The following GPR176 variants were observed in gnomAD, a reference collection of about 807,000 sequenced individuals.
GPR176 encodes G protein-coupled receptor 176, also known as G-protein coupled receptor 176.
GPR176 carries 26 observed loss-of-function variants against 35.4 expected under a neutral mutation model. The ratio of observed to expected loss-of-function variants is 0.74; its 90% CI spans 0.54 to 1.02. The LOEUF is 1.02. Among genes scored for constraint, GPR176 ranks in the 50% least tolerant of loss-of-function variants. The pLI, the probability that GPR176 is intolerant of heterozygous loss-of-function variation, is 0.00. For synonymous variants in GPR176, 278 were observed against 271.3 expected (o/e 1.02, Z -0.24); for missense variants, 597 against 665.3 (o/e 0.90, Z 1.13).
At chr15:39,909,351 C>A (rs2033515938) in intron 1 of GPR176, among the ~76,000 whole-genome samples, 1 of 152,206 alleles carries the variant, frequency 6.6e-6, no homozygotes, top group Admixed American at 6.5e-5. Context: ...TCTGCTCGAA[C>A]AGTGAAATCA....
At chr15:39,889,730 C>G (rs1025563392) in intron 1 of GPR176, among the ~76,000 whole-genome samples, 8 of 152,188 alleles carry the variant, frequency 5.3e-5, no homozygotes, top group African/African-American at 1.9e-4. Flanking sequence ...GGGACGCAAA[C>G]TCCTTGGAGG....
chr15:39,869,152 TAAAAA>T (rs66463189), intron 1 of GPR176, among the ~76,000 whole-genome samples: 4 of 130,016 alleles, frequency 3.1e-5, no homozygotes, highest in Non-Finnish European at 3.2e-5. Flanking sequence ...AACTGCTTTT[TAAAAA>T]AAAAAAAAAA....
At chr15:39,893,386 C>G (rs934788875) in intron 1 of GPR176, among the ~76,000 whole-genome samples, 1 of 151,954 alleles carries the variant, frequency 6.6e-6, no homozygotes, top group Non-Finnish European at 1.5e-5. Flanking sequence ...CCTGAGTGGA[C>G]ACAGCACATG....
intron 1 of GPR176, among the ~76,000 whole-genome samples, chr15:39,916,641 TAAA>T (rs2033732743): frequency 6.6e-6 from 1 of 152,236 alleles, no homozygotes; most frequent in Admixed American, 6.5e-5. Context: ...GAAGTATATT[TAAA>T]TTTGTTTCAA....
chr15:39,897,738 A>G (rs186541025), intron 1 of GPR176, among the ~76,000 whole-genome samples: 224 of 149,918 alleles, frequency 1.5e-3, no homozygotes, highest in Middle Eastern at 0.011. Context: ...CTCAGCCCCA[A>G]ATATTATTTT....
intron 1 of GPR176, among the ~76,000 whole-genome samples, chr15:39,918,510 T>C (rs1200574411): frequency 1.3e-5 from 2 of 152,202 alleles, no homozygotes; most frequent in African/African-American, 2.4e-5. Context: ...TCACTTCTAC[T>C]ACCTCTCCAA....
chr15:39,840,244 A>T (rs2140788721), intron 1 of GPR176, among the ~76,000 whole-genome samples: 1 of 152,346 alleles, frequency 6.6e-6, no homozygotes, highest in African/African-American at 2.4e-5. Context: ...AATGTCCATC[A>T]ATGATAGACT....
At chr15:39,826,912 A>G (rs868014829) in intron 1 of GPR176, among the ~76,000 whole-genome samples, 5 of 152,268 alleles carry the variant, frequency 3.3e-5, no homozygotes, top group African/African-American at 9.6e-5. Flanking sequence ...CAATAATAAT[A>G]ATATGATCAA....
At chr15:39,816,142 A>C (rs1265692137) in intron 1 of GPR176, among the ~76,000 whole-genome samples, 1 of 152,212 alleles carries the variant, frequency 6.6e-6, no homozygotes, top group Non-Finnish European at 1.5e-5. Context: ...AGTAGGACGA[A>C]GCGTTGGAGA....
chr15:39,882,706 T>C (rs1468225181), intron 1 of GPR176, among the ~76,000 whole-genome samples: 1 of 152,250 alleles, frequency 6.6e-6, no homozygotes, highest in Non-Finnish European at 1.5e-5. Context: ...TGTGGTGTTG[T>C]AGAAAATAGT....
chr15:39,806,962 T>C, intron 2 of GPR176, 44 bp downstream of exon 2: 1 of 1,540,122 alleles, frequency 6.5e-7, no homozygotes, highest in African/African-American at 1.4e-5. Context: ...AATTTTTTAA[T>C]ACAACTTAAA....
At chr15:39,830,107 T>C (rs1487136090) in intron 1 of GPR176, among the ~76,000 whole-genome samples, 1 of 152,092 alleles carries the variant, frequency 6.6e-6, no homozygotes, top group Non-Finnish European at 1.5e-5. Context: ...AATCCTAAGG[T>C]AGTGCTAAGA....
chr15:39,825,711 G>C (rs1049278390), intron 1 of GPR176, among the ~76,000 whole-genome samples: 1 of 151,836 alleles, frequency 6.6e-6, no homozygotes, highest in Non-Finnish European at 1.5e-5. Context: ...TCTCATTTCC[G>C]CCAGCAATAT....
At chr15:39,810,580 G>C (rs1031556279) in intron 1 of GPR176, among the ~76,000 whole-genome samples, 2 of 152,204 alleles carry the variant, frequency 1.3e-5, no homozygotes, top group African/African-American at 4.8e-5. Flanking sequence ...TGGGAAAACA[G>C]ACACATTACC....
chr15:39,876,568 T>C (rs978917365), intron 1 of GPR176, among the ~76,000 whole-genome samples: 8 of 152,168 alleles, frequency 5.3e-5, no homozygotes, highest in African/African-American at 1.9e-4. Context: ...TTAATTTCTA[T>C]TGCTATTATT....
intron 1 of GPR176, among the ~76,000 whole-genome samples, chr15:39,893,503 C>A (rs919076955): frequency 6.6e-6 from 1 of 152,338 alleles, no homozygotes; most frequent in East Asian, 1.9e-4. Flanking sequence ...ATGTCTACTT[C>A]TTTCTACACA....
intron 1 of GPR176, among the ~76,000 whole-genome samples, chr15:39,882,756 T>A (rs1322195680): frequency 6.6e-6 from 1 of 152,248 alleles, no homozygotes; most frequent in Non-Finnish European, 1.5e-5. Context: ...ATATGTTTTC[T>A]CAGCATGTTC....
At chr15:39,836,972 G>C (rs1901437465) in intron 1 of GPR176, among the ~76,000 whole-genome samples, 1 of 152,104 alleles carries the variant, frequency 6.6e-6, no homozygotes, top group Admixed American at 6.6e-5. Context: ...ACTAATACCA[G>C]AAGTCATCAT....
chr15:39,803,405 G>A (rs1384633665), intron 2 of GPR176, among the ~76,000 whole-genome samples: 3 of 148,824 alleles, frequency 2.0e-5, no homozygotes, highest in South Asian at 2.1e-4. Flanking sequence ...TCAGTCTCTC[G>A]AGCAGCTGGG....
Sources: gnomAD v4.1 joint callset for allele counts (sites outside exome capture counted in the v4.1 genomes callset) on GRCh38, gnomAD v4.1.1 for gene constraint, MANE v1.5 for transcripts, NCBI Gene and HGNC (gene_info 2026-07-23, HGNC 2026-07-21) for gene names.